AXL: variants seen among roughly 807,000 people sequenced by gnomAD.
AXL encodes the protein AXL receptor tyrosine kinase, also known as tyrosine-protein kinase receptor UFO.
Under a neutral mutation model 104.5 loss-of-function variants are expected in AXL, and 52 were observed. The ratio of observed to expected loss-of-function variants is 0.50; its 90% CI spans 0.40 to 0.63. The LOEUF (loss-of-function observed/expected upper bound fraction) is 0.63, where lower values mean the gene tolerates loss of function less well. Among genes scored for constraint, AXL ranks in the 20% least tolerant of loss-of-function variants. The pLI is 0.00. For synonymous variants in AXL, 455 were observed against 473.7 expected, an observed-to-expected ratio of 0.96 and a Z score of 0.51; for missense variants, 1,024 against 1,188.5, an observed-to-expected ratio of 0.86 and a Z score of 2.04.
At position 41,239,327 on chromosome 19, in the gene AXL, C is replaced by T. The variant is rs762694647; in HGVS notation, c.1285+13C>T. 8 of 1,552,706 alleles carry T rather than the reference C, an allele frequency of 5.2e-6. No homozygotes were observed. In the South Asian group the frequency reaches 8.7e-5, roughly 17 times the overall value. ...GCCTGGCGCCCAGGTAAGTCCAAAGCCATGCCCAACCTGCTTCAACCCTGT... is the reference window on the plus strand; with the variant it reads ...GCCTGGCGCCCAGGTAAGTCCAAAGTCATGCCCAACCTGCTTCAACCCTGT... On this transcript the variant is annotated intron_variant, in intron 9 of 19. Coordinates refer to ENST00000301178, the MANE Select transcript of AXL (RefSeq NM_021913.5).
chr19:41,237,338 G>T (rs1176636350), intron 6 of AXL, among the ~76,000 whole-genome samples: 1 of 152,138 alleles, frequency 6.6e-6, no homozygotes, highest in African/African-American at 2.4e-5. Context: ...TGCCTCCCAG[G>T]TTCAAGTGGT....
intron 19 of AXL, among the ~76,000 whole-genome samples, chr19:41,259,283 A>G (rs1284808850): frequency 1.3e-5 from 2 of 152,172 alleles, no homozygotes; most frequent in Non-Finnish European, 2.9e-5. Context: ...GGGAGCTGGA[A>G]GGTCTGTTCT....
intron 4 of AXL, among the ~76,000 whole-genome samples, chr19:41,222,516 C>T (rs2033809796): frequency 6.6e-6 from 1 of 152,180 alleles, no homozygotes; most frequent in African/African-American, 2.4e-5. Flanking sequence ...GGCCCACCTC[C>T]TGCCCTAACA....
chr19:41,253,243 A>G (rs898028938), intron 16 of AXL, among the ~76,000 whole-genome samples: 3 of 152,148 alleles, frequency 2.0e-5, no homozygotes, highest in African/African-American at 7.2e-5. Flanking sequence ...CGAGGAGGTG[A>G]CCGTGAAGGA....
In AXL at chr19:41,239,778, C is replaced by T. The variant is rs1243759188; in HGVS notation, c.1312+58C>T. Reference sequence around the variant, plus strand: ...CTACCCTCAACACCTAGTGGGGGCACTGTCACCATGCATACTCATTGCACA... The same window carrying T: ...CTACCCTCAACACCTAGTGGGGGCATTGTCACCATGCATACTCATTGCACA... On this transcript the variant is annotated intron_variant, in intron 10 of 19. Coordinates refer to ENST00000301178, the MANE Select transcript of AXL (RefSeq NM_021913.5). 6 of 1,589,238 alleles carry T rather than the reference C, an allele frequency of 3.8e-6. No individual in the cohort carries two copies. The East Asian group carries it at 1.3e-4, about 36-fold the overall frequency.
chr19:41,243,345 G>A (rs2034216052), intron 11 of AXL, among the ~76,000 whole-genome samples: 1 of 152,156 alleles, frequency 6.6e-6, no homozygotes, highest in Non-Finnish European at 1.5e-5. Context: ...ACTTGAACCC[G>A]GGAGATGGAG....
At position 41,252,448 on chromosome 19, in the gene AXL, G is replaced by C. The variant is rs1394253295; in HGVS notation, c.1804+5G>C. The C allele has an allele frequency of 2.5e-6, 4 of 1,613,848 alleles. No homozygotes were observed. Among genetic ancestry groups the C allele is most frequent in the African/African-American group, 1.3e-5 (1 of 75,046 alleles). On this transcript the variant is annotated splice_donor_5th_base_variant and intron_variant, in intron 15 of 19. Coordinates refer to ENST00000301178, the MANE Select transcript of AXL (RefSeq NM_021913.5). ...CCAACGTCATGAGGCTCATCGGTGAGAGAGGGGCAGATTCAAGGGGTCTAC... is the reference window on the plus strand; with the variant it reads ...CCAACGTCATGAGGCTCATCGGTGACAGAGGGGCAGATTCAAGGGGTCTAC...
At chr19:41,252,584 C>A in intron 15 of AXL, 141 bp downstream of exon 15, 1 of 1,079,130 alleles carries the variant, frequency 9.3e-7, no homozygotes, top group South Asian at 1.5e-5. Context: ...GCTTCCCCCT[C>A]CTAGTCTCCC....
At position 41,221,126 on chromosome 19, in the gene AXL, C is replaced by T; in HGVS notation, c.309-20C>T. 2 of 1,608,968 alleles carry T rather than the reference C, an allele frequency of 1.2e-6. No homozygotes were observed. The highest frequency in any genetic ancestry group is 1.7e-6 in the Non-Finnish European group (2 of 1,176,594). ...CAGCTCTGACCCTGAACCTCTCTGT[C>T]TCTCCTCTTGCCCTGTCAGAATCAC... On this transcript the variant is annotated intron_variant, in intron 2 of 19. Transcript: ENST00000301178.
intron 10 of AXL, among the ~76,000 whole-genome samples, chr19:41,240,403 A>G (rs370137773): frequency 7.9e-6 from 1 of 127,222 alleles, no homozygotes; most frequent in South Asian, 2.6e-4. Context: ...TGGATGGATG[A>G]ATGGATGGTT....
At chr19:41,234,950 A>C (rs2034052853) in intron 6 of AXL, among the ~76,000 whole-genome samples, 1 of 152,208 alleles carries the variant, frequency 6.6e-6, no homozygotes, top group African/African-American at 2.4e-5. Flanking sequence ...TGTGTACACC[A>C]GTGGTGGCCC....
chr19:41,238,217 C>T (rs1453138481), intron 7 of AXL, 63 bp downstream of exon 7: 2 of 1,563,792 alleles, frequency 1.3e-6, no homozygotes, highest in African/African-American at 1.4e-5. Context: ...ATATCAGTGC[C>T]ACCCCCATTG....
chr19:41,253,377 T>TG (rs1266483594), intron 16 of AXL, among the ~76,000 whole-genome samples: 1 of 151,830 alleles, frequency 6.6e-6, no homozygotes, highest in Non-Finnish European at 1.5e-5. Flanking sequence ...AGGAGTCTGG[T>TG]GGGAGTGTCA....
chr19:41,229,759 C>T (rs887965954), intron 4 of AXL, among the ~76,000 whole-genome samples: 4 of 152,032 alleles, frequency 2.6e-5, no homozygotes, highest in South Asian at 2.1e-4. Context: ...CCAGTGTGGC[C>T]GGAGAAGAGC....
Position 41,220,776 on chromosome 19 carries a change from C to T in AXL, c.226C>T (p.Leu76=). ...ACATTGGCTTCGGGATGGACAGATCCTGGAGCTCGCGGACAGCACCCAGAC... is the reference window on the plus strand; with the variant it reads ...ACATTGGCTTCGGGATGGACAGATCTTGGAGCTCGCGGACAGCACCCAGAC... The part of the protein sequence containing the change: ...EVHWLRDGQI[L]ELADSTQTQV... Residue 76 remains leucine (L), a synonymous_variant, in exon 2 of 20, where the codon CTG becomes TTG. Coordinates refer to ENST00000301178, the MANE Select transcript of AXL (RefSeq NM_021913.5). 2 of 1,614,178 alleles carry T rather than the reference C, an allele frequency of 1.2e-6. No homozygotes were observed. The highest frequency in any genetic ancestry group is 1.7e-6 in the Non-Finnish European group (2 of 1,180,018).
chr19:41,235,935 G>A (rs1040589126), intron 6 of AXL, among the ~76,000 whole-genome samples: 2 of 151,952 alleles, frequency 1.3e-5, no homozygotes, highest in Non-Finnish European at 2.9e-5. Flanking sequence ...GGTGGCTCAC[G>A]CCTGTAATCC....
Position 41,259,741 on chromosome 19 carries a change from ACC to A in AXL, c.2527_2528del (p.Pro843AsnfsTer6). 6.2e-7 allele frequency: 1 copy of A among 1,613,482 alleles called. No homozygotes were observed. The highest frequency in any genetic ancestry group is 8.5e-7 in the Non-Finnish European group (1 of 1,179,842). On this transcript the variant is annotated frameshift_variant, in exon 20 of 20. Transcript: ENST00000301178. LOFTEE classifies it high-confidence loss of function. The stretch of plus-strand genomic sequence containing the variant: ...CCCCCTGGAGCTGCAGGAGGAGCTG[ACC>A]CCCCAACCCAGCCAGACCCTAAGGA...
intron 4 of AXL, among the ~76,000 whole-genome samples, chr19:41,225,988 A>G (rs895741998): frequency 1.3e-5 from 2 of 152,176 alleles, no homozygotes; most frequent in African/African-American, 2.4e-5. Context: ...GGGGATGGTC[A>G]GGACATCTGG....
intron 6 of AXL, among the ~76,000 whole-genome samples, chr19:41,237,595 C>T (rs545958123): frequency 6.6e-6 from 1 of 152,266 alleles, no homozygotes; most frequent in South Asian, 2.1e-4. Flanking sequence ...GACCACCCGC[C>T]ATGCACTGTG....
Sources: gnomAD v4.1 joint callset for allele counts (sites outside exome capture counted in the v4.1 genomes callset) on GRCh38, gnomAD v4.1.1 for gene constraint, MANE v1.5 for transcripts, NCBI Gene and HGNC (gene_info 2026-07-23, HGNC 2026-07-21) for gene names.